Variants in MGAM observed in about 807,000 individuals in gnomAD.
MGAM encodes the protein maltase-glucoamylase, also known as alpha-1,4-glucosidase.
A neutral mutation model predicts 358.8 loss-of-function variants in MGAM; 253 were observed. The observed-to-expected ratio is 0.71, with a 90% CI of 0.64 to 0.78. The LOEUF (loss-of-function observed/expected upper bound fraction) is 0.78. Ranked by LOEUF, MGAM falls within the 30% of genes least tolerant of loss-of-function variation. MGAM has a pLI of 0.00. For missense variants in MGAM, 3,080 were observed against 3,432.6 expected (o/e 0.90, Z 2.57); for synonymous variants, 1,105 against 1,227.1 (o/e 0.90, Z 2.08).
At position 142,052,378 on chromosome 7, in the gene MGAM, A is replaced by C. The variant is rs1185035115; in HGVS notation, c.2890A>C (p.Ile964Leu). 6.2e-7 allele frequency: 1 copy of C among 1,612,896 alleles called. No individual in the cohort carries two copies. The highest frequency in any genetic ancestry group is 1.1e-5 in the South Asian group (1 of 90,786). Residue 964 changes from isoleucine (I) to leucine (L), a missense_variant, in exon 25 of 71, where the codon ATA (isoleucine) becomes CTA (leucine). Ile to Leu is a conservative substitution (Grantham distance 5, BLOSUM62 2). Transcript: ENST00000475668. ...WSIKIRDEEK[I>L]DCYPDENGAS... ...CATAAAGATAAGGGATGAAGAAAAA[A>C]TAGACTGTTACCCTGATGAGAATGG...
chr7:142,022,177 G>A (rs1476152859), intron 6 of MGAM, 91 bp from the exon 7 acceptor site: 3 of 1,218,820 alleles, frequency 2.5e-6, no homozygotes, highest in African/African-American at 1.5e-5. Context: ...GGGCTATTGA[G>A]TCACTGAGAT....
intron 24 of MGAM, among the ~76,000 whole-genome samples, chr7:142,051,260 A>C (rs1810922267): frequency 6.6e-6 from 1 of 152,090 alleles, no homozygotes; most frequent in Admixed American, 6.5e-5. Flanking sequence ...ACTTGTGGTC[A>C]GGTTTTGGAG....
intron 34 of MGAM, among the ~76,000 whole-genome samples, chr7:142,061,175 T>A (rs1812158872): frequency 1.3e-5 from 2 of 152,130 alleles, no homozygotes; most frequent in Admixed American, 1.3e-4. Context: ...TTGGAAAGGG[T>A]CATCCGAGCA....
At chr7:142,033,438 T>C (rs1375126231) in intron 14 of MGAM, among the ~76,000 whole-genome samples, 1 of 152,168 alleles carries the variant, frequency 6.6e-6, no homozygotes, top group Non-Finnish European at 1.5e-5. Flanking sequence ...CTTGGCATCA[T>C]AGCATCGGCC....
intron 2 of MGAM, among the ~76,000 whole-genome samples, chr7:141,988,184 A>G (rs1250741432): frequency 6.6e-6 from 1 of 152,046 alleles, no homozygotes; most frequent in African/African-American, 2.4e-5. Context: ...GCTACTCAGG[A>G]GGCTGAGGTG....
chr7:142,062,985 G>A (rs1812368668), intron 35 of MGAM, among the ~76,000 whole-genome samples: 2 of 152,182 alleles, frequency 1.3e-5, no homozygotes, highest in South Asian at 4.1e-4. Flanking sequence ...GATCACCTGA[G>A]GTTGGGAGTT....
At chr7:141,998,500 TGTA>T (rs1291876115) in intron 1 of MGAM, among the ~76,000 whole-genome samples, 1 of 152,164 alleles carries the variant, frequency 6.6e-6, no homozygotes, top group African/African-American at 2.4e-5. Flanking sequence ...AGTGAAAACA[TGTA>T]GTGTTTGGTT....
In MGAM at chr7:142,064,511, AC is replaced by A; in HGVS notation, c.4476del (p.Thr1493HisfsTer8). The A allele has an allele frequency of 6.4e-7, 1 of 1,574,606 alleles. No homozygotes were observed. Among genetic ancestry groups the A allele is most frequent in the Non-Finnish European group, 8.6e-7 (1 of 1,160,138 alleles). The stretch of plus-strand genomic sequence containing the variant: ...ACCTGTATGGGTGGTCCCAGACCAG[AC>A]CCACATACGAGTGAGTCTCCGTCTC... ...HNLYGWSQTRPTYEAVQEVTG... is the reference protein window; with the variant it reads ...HNLYGWSQTRXTYEAVQEVTG... On this transcript the variant is annotated frameshift_variant, in exon 37 of 71. Transcript: ENST00000475668. LOFTEE classifies it high-confidence loss of function.
intron 27 of MGAM, 108 bp from the exon 28 acceptor site, chr7:142,055,450 A>C: frequency 7.2e-7 from 1 of 1,381,604 alleles, no homozygotes. Flanking sequence ...TGGGATATGA[A>C]CAGCTTCTTG....
upstream of MGAM, among the ~76,000 whole-genome samples, chr7:141,991,341 C>T (rs1237946999): frequency 6.6e-6 from 1 of 151,948 alleles, no homozygotes; most frequent in Non-Finnish European, 1.5e-5. Context: ...TTTTCTGTGG[C>T]CGGAAGTGAG....
At chr7:142,098,512 G>T (rs1176592241) in intron 66 of MGAM, among the ~76,000 whole-genome samples, 1 of 152,130 alleles carries the variant, frequency 6.6e-6, no homozygotes. Flanking sequence ...CAAGGGGATT[G>T]CAGTGAGATT....
chr7:142,014,562 C>T (rs973179940), intron 3 of MGAM, among the ~76,000 whole-genome samples: 14 of 151,986 alleles, frequency 9.2e-5, no homozygotes, highest in Non-Finnish European at 1.5e-4. Flanking sequence ...ATATTATCAG[C>T]AGAGATGAAG....
At chr7:142,078,776 T>G in intron 48 of MGAM, 32 bp from the exon 49 acceptor site, 1 of 1,520,474 alleles carries the variant, frequency 6.6e-7, no homozygotes, top group Non-Finnish European at 9.1e-7. Context: ...CCACATGCTG[T>G]GCTGATCTAT....
At chr7:142,043,830 T>A (rs1255360515) in intron 21 of MGAM, among the ~76,000 whole-genome samples, 8 of 102,084 alleles carry the variant, frequency 7.8e-5, no homozygotes, top group Non-Finnish European at 1.6e-4. Context: ...GTATAATATA[T>A]ACATTATATA....
At chr7:142,066,463 C>G in intron 40 of MGAM, 110 bp from the exon 41 acceptor site, 2 of 1,270,952 alleles carry the variant, frequency 1.6e-6, no homozygotes, top group East Asian at 2.5e-5. Flanking sequence ...GTATAGTTTT[C>G]TTTTGTTTAG....
intron 21 of MGAM, among the ~76,000 whole-genome samples, chr7:142,045,428 C>A (rs180898226): frequency 1.9e-5 from 2 of 107,158 alleles, no homozygotes; most frequent in Non-Finnish European, 3.4e-5. Flanking sequence ...ACCTATAATA[C>A]ATGATATATT....
rs533087957 is a variant in MGAM, at chr7:142,103,363, T to A, written c.8108T>A (p.Val2703Asp). Residue 2703 changes from valine (V) to aspartate (D), a missense_variant, in exon 70 of 71, where the codon GTC becomes GAC. Physicochemically the swap from Val to Asp is radical, Grantham distance 152. This residue lies in a region of MGAM where 194 missense variants were observed against 172.8 expected (regional missense o/e 1.12). Coordinates refer to ENST00000475668, the MANE Select transcript of MGAM (RefSeq NM_001365693.1). ...GYIEIWGVGS[V>D]PVTSVSISVS... ...ATTGAAATCTGGGGAGTGGGCAGTG[T>A]CCCCGTTACCAGTGTCAGCATCTCT... 6.2e-7 allele frequency: 1 copy of A among 1,613,304 alleles called. No homozygotes were observed. The highest frequency in any genetic ancestry group is 1.7e-4 in the Middle Eastern group (1 of 6,058).
chr7:142,094,199 T>C (rs1815664990), intron 60 of MGAM, among the ~76,000 whole-genome samples, 165 bp from the exon 61 acceptor site: 2 of 146,300 alleles, frequency 1.4e-5, no homozygotes, highest in African/African-American at 4.9e-5. Context: ...ACTCGTTATC[T>C]CCATCATCTG....
chr7:142,091,250 CAA>C (rs34993763), intron 57 of MGAM, among the ~76,000 whole-genome samples: 24 of 86,698 alleles, frequency 2.8e-4, no homozygotes, highest in Admixed American at 2.2e-4. Flanking sequence ...GACTCTGTCT[CAA>C]AAAAAAAAAA....
Sources: gnomAD v4.1 joint callset for allele counts (sites outside exome capture counted in the v4.1 genomes callset) on GRCh38, gnomAD v4.1.1 for gene constraint, gnomAD v4.1.1 regional missense constraint, MANE v1.5 for transcripts, NCBI Gene and HGNC (gene_info 2026-07-23, HGNC 2026-07-21) for gene names.